TSPAN31: variants seen among roughly 807,000 people sequenced by gnomAD.
TSPAN31 encodes tetraspanin 31.
Under a neutral mutation model 24.8 loss-of-function variants are expected in TSPAN31, and 16 were observed. The ratio of observed to expected loss-of-function variants is 0.64; its 90% CI spans 0.44 to 0.98. The LOEUF is 0.98. Ranked by LOEUF, TSPAN31 falls within the 50% of genes least tolerant of loss-of-function variation. TSPAN31 has a pLI of 0.00. For synonymous variants in TSPAN31, 87 were observed against 91.4 expected (o/e 0.95, Z 0.27); for missense variants, 209 against 251.6 (o/e 0.83, Z 1.15).
chr12:57,745,965 C>G lies in TSPAN31; in HGVS notation c.231+53C>G, dbSNP rs985138210. On this transcript the variant is annotated intron_variant, in intron 2 of 5. Transcript: ENST00000257910. ...ACCGGGGGCTTGGGAGGGCTGTCATCTAAGGAAGATGTTAGAAGGGTAGGG... is the reference window on the plus strand; with the variant it reads ...ACCGGGGGCTTGGGAGGGCTGTCATGTAAGGAAGATGTTAGAAGGGTAGGG... 42 of 1,552,820 alleles carry G rather than the reference C, an allele frequency of 2.7e-5. 1 individual carries two copies. The Middle Eastern group carries it at 7.7e-4, about 28-fold the overall frequency.
intron 3 of TSPAN31, 152 bp from the exon 4 acceptor site, chr12:57,746,437 G>A (rs1256606851): frequency 4.2e-6 from 5 of 1,188,552 alleles, no homozygotes; most frequent in Admixed American, 1.8e-5. Context: ...ATGATCTAGA[G>A]AACCTCAAAA....
Position 57,748,610 on chromosome 12 carries a change from A to G in TSPAN31, c.*1320A>G. ...GATTCGCTTGTGTGGGTTAAAAGTCAGCATTTCCTGAGGGGAGAGGCAAAG... is the reference window on the plus strand; with the variant it reads ...GATTCGCTTGTGTGGGTTAAAAGTCGGCATTTCCTGAGGGGAGAGGCAAAG... On this transcript the variant is annotated 3_prime_UTR_variant, in exon 6 of 6. Coordinates refer to ENST00000257910, the MANE Select transcript of TSPAN31 (RefSeq NM_005981.5). 1 of 1,613,146 alleles carries G rather than the reference A, an allele frequency of 6.2e-7. No homozygotes were observed. The highest frequency in any genetic ancestry group is 1.1e-5 in the South Asian group (1 of 91,068).
At chr12:57,746,402 G>C in intron 3 of TSPAN31, 146 bp downstream of exon 3, 1 of 1,123,662 alleles carries the variant, frequency 8.9e-7, no homozygotes, top group Non-Finnish European at 1.3e-6. Context: ...CTTCCTCTGG[G>C]ATGTCTGGTT....
At position 57,750,189 on chromosome 12, in the gene TSPAN31, AAATAAAT is replaced by A. The variant is rs1399792265; in HGVS notation, c.*2902_*2908del. ...TAAATAAATAAATAAATAAATAAAT[AAATAAAT>A]AAAAAATAAAGAGAATAAAGGGATA... On this transcript the variant is annotated 3_prime_UTR_variant, in exon 6 of 6. Coordinates refer to ENST00000257910, the MANE Select transcript of TSPAN31 (RefSeq NM_005981.5). 2.9e-5 allele frequency: 4 copies of A among 138,906 alleles called. No individual in the cohort carries two copies. Among genetic ancestry groups the A allele is most frequent in the African/African-American group, 8.1e-5 (3 of 37,190 alleles). The allele number at this position is 138,906 out of a possible 1,614,324, so 8.6% of individuals were successfully genotyped here.
chr12:57,745,527 A>T (rs1468074370), intron 1 of TSPAN31: 1 of 625,282 alleles, frequency 1.6e-6, no homozygotes, highest in Admixed American at 3.0e-5. Context: ...TTTTGCATTC[A>T]TACTACCATC....
In TSPAN31 at chr12:57,749,326, G is replaced by GA. The variant is rs757684130; in HGVS notation, c.*2037dup. The GA allele has an allele frequency of 8.1e-6, 13 of 1,614,078 alleles. No homozygotes were observed. Among genetic ancestry groups the GA allele is most frequent in the East Asian group, 6.7e-5 (3 of 44,896 alleles). Reference sequence around the variant, plus strand: ...GAGGCAGCCCAATCAGGCTGTGGGGGACAGGAGAACTCTGGTCAGGAGGGT... The same window carrying GA: ...GAGGCAGCCCAATCAGGCTGTGGGGGAACAGGAGAACTCTGGTCAGGAGGGT... On this transcript the variant is annotated 3_prime_UTR_variant, in exon 6 of 6. Transcript: ENST00000257910.
rs2140380072 is a variant in TSPAN31 at position 57,747,933 on chromosome 12, G to C, written c.*643G>C. On this transcript the variant is annotated 3_prime_UTR_variant, in exon 6 of 6. Coordinates refer to ENST00000257910, the MANE Select transcript of TSPAN31 (RefSeq NM_005981.5). ...AATTTTGTATTTTTAGTAGAGACAGGGTTTCACCATGTTAGTCAGGCTGGT... is the reference window on the plus strand; with the variant it reads ...AATTTTGTATTTTTAGTAGAGACAGCGTTTCACCATGTTAGTCAGGCTGGT... The C allele has an allele frequency of 5.2e-6, 1 of 191,028 alleles. No homozygotes were observed. Among genetic ancestry groups the C allele is most frequent in the African/African-American group, 2.4e-5 (1 of 42,546 alleles). 11.8% of individuals were successfully genotyped at this position (191,028 alleles called of 1,614,324 possible).
At chr12:57,745,277 A>G in intron 1 of TSPAN31, 60 bp downstream of exon 1, 1 of 1,556,510 alleles carries the variant, frequency 6.4e-7, no homozygotes, top group Non-Finnish European at 8.8e-7. Context: ...GAGAATCTCT[A>G]GGGTACTTCC....
rs1555201101 is a variant in TSPAN31 at position 57,749,262 on chromosome 12, C to A, written c.*1972C>A. 2.5e-6 allele frequency: 4 copies of A among 1,614,156 alleles called. No homozygotes were observed. The highest frequency in any genetic ancestry group is 3.4e-6 in the Non-Finnish European group (4 of 1,179,992). On this transcript the variant is annotated 3_prime_UTR_variant, in exon 6 of 6. Coordinates refer to ENST00000257910, the MANE Select transcript of TSPAN31 (RefSeq NM_005981.5). ...CGGGGCCCTCTGGGGGGAAAGGCTC[C>A]ACGGGGCAGGGATACATCTCGAGGC... is the stretch of plus-strand genomic sequence containing the variant.
Position 57,750,171 on chromosome 12 carries a change from A to C in TSPAN31, c.*2881A>C, listed in dbSNP as rs1476977781. ...CTTATCTCAATAAATAAATAAATAA[A>C]TAAATAAATAAATAAATAAATAAAT... On this transcript the variant is annotated 3_prime_UTR_variant, in exon 6 of 6. Transcript: ENST00000257910. 6.7e-6 allele frequency: 1 copy of C among 149,766 alleles called. No individual in the cohort carries two copies. Among genetic ancestry groups the C allele is most frequent in the East Asian group, 1.9e-4 (1 of 5,166 alleles). 9.3% of individuals were successfully genotyped at this position (149,766 alleles called of 1,614,324 possible).
In TSPAN31 at chr12:57,749,195, G is replaced by A. The variant is rs779161525; in HGVS notation, c.*1905G>A. The A allele has an allele frequency of 1.9e-6, 3 of 1,614,016 alleles. No homozygotes were observed. The highest frequency in any genetic ancestry group is 4.5e-5 in the East Asian group (2 of 44,892). ...CATCTCCAGTACCAGCAGCAGCTGT[G>A]CTCCCGACTCCTCCATCTCAGGTAC... On this transcript the variant is annotated 3_prime_UTR_variant, in exon 6 of 6. Coordinates refer to ENST00000257910, the MANE Select transcript of TSPAN31 (RefSeq NM_005981.5).
rs1019520587 is a variant in TSPAN31 at position 57,746,519 on chromosome 12, G to A, written c.313-70G>A. 415 of 1,591,916 alleles carry A rather than the reference G, an allele frequency of 2.6e-4. 1 individual carries two copies. Among genetic ancestry groups the A allele is most frequent in the Non-Finnish European group, 3.2e-4 (372 of 1,161,588 alleles). ...TGTTTGACTTCCTTTGCTGGGCTAG[G>A]GAAATTGAGGCACTTGAACTGATAA... On this transcript the variant is annotated intron_variant, in intron 3 of 5. Coordinates refer to ENST00000257910, the MANE Select transcript of TSPAN31 (RefSeq NM_005981.5).
chr12:57,749,564 T>C lies in TSPAN31; in HGVS notation c.*2274T>C. Reference sequence around the variant, plus strand: ...TTCAAAGATATCTTAGTTGAATGGTTACTGCTTAGTGGCTCAAAATAGGAA... The same window carrying C: ...TTCAAAGATATCTTAGTTGAATGGTCACTGCTTAGTGGCTCAAAATAGGAA... On this transcript the variant is annotated 3_prime_UTR_variant, in exon 6 of 6. Transcript: ENST00000257910. 5 of 1,498,226 alleles carry C rather than the reference T, an allele frequency of 3.3e-6. No homozygotes were observed. In the Admixed American group the frequency reaches 8.4e-5, roughly 25 times the overall value. 92.8% of individuals were successfully genotyped at this position (1,498,226 alleles called of 1,614,324 possible).
At chr12:57,746,097 T>C (rs937186225) in intron 2 of TSPAN31, 79 bp from the exon 3 acceptor site, 2 of 1,470,442 alleles carry the variant, frequency 1.4e-6, no homozygotes, top group African/African-American at 1.4e-5. Flanking sequence ...GTAAGTTCTA[T>C]GAACAGATGA....
chr12:57,749,015 T>G lies in TSPAN31; in HGVS notation c.*1725T>G. On this transcript the variant is annotated 3_prime_UTR_variant, in exon 6 of 6. Transcript: ENST00000257910. ...GCCACCGTGCCCAGCCAGGATGGGTTCTCTTCTATATCCTTCTCTGTGGGT... is the reference window on the plus strand; with the variant it reads ...GCCACCGTGCCCAGCCAGGATGGGTGCTCTTCTATATCCTTCTCTGTGGGT... 1 of 900,704 alleles carries G rather than the reference T, an allele frequency of 1.1e-6. No homozygotes were observed. The allele number at this position is 900,704 out of a possible 1,614,324, so 55.8% of individuals were successfully genotyped here.
Position 57,748,516 on chromosome 12 carries a change from C to T in TSPAN31, c.*1226C>T, listed in dbSNP as rs1196923268. On this transcript the variant is annotated 3_prime_UTR_variant, in exon 6 of 6. Coordinates refer to ENST00000257910, the MANE Select transcript of TSPAN31 (RefSeq NM_005981.5). Reference sequence around the variant, plus strand: ...GCTTTTCTTCCTTCCATGGCAGCCACTCCATTGCTCACTCCGGATTACCTT... The same window carrying T: ...GCTTTTCTTCCTTCCATGGCAGCCATTCCATTGCTCACTCCGGATTACCTT... 3.1e-6 allele frequency: 5 copies of T among 1,599,956 alleles called. No homozygotes were observed. Among genetic ancestry groups the T allele is most frequent in the Non-Finnish European group, 4.3e-6 (5 of 1,167,250 alleles).
chr12:57,745,513 C>A, intron 1 of TSPAN31: 1 of 615,594 alleles, frequency 1.6e-6, no homozygotes, highest in East Asian at 2.8e-5. Flanking sequence ...CCTGAGGGTT[C>A]ATCTTTTGCA....
chr12:57,749,370 A>T lies in TSPAN31; in HGVS notation c.*2080A>T, dbSNP rs1308458499. 2 of 1,613,766 alleles carry T rather than the reference A, an allele frequency of 1.2e-6. No individual in the cohort carries two copies. The highest frequency in any genetic ancestry group is 2.7e-5 in the African/African-American group (2 of 74,936). The stretch of plus-strand genomic sequence containing the variant: ...GGAGGGTCCTCCAGTTCCCATCCCC[A>T]TGGGCAGAGCCAGTTGCCATCCTGG... On this transcript the variant is annotated 3_prime_UTR_variant, in exon 6 of 6. Transcript: ENST00000257910.
At position 57,749,109 on chromosome 12, in the gene TSPAN31, G is replaced by A. The variant is rs960503482; in HGVS notation, c.*1819G>A. 4.4e-6 allele frequency: 7 copies of A among 1,581,020 alleles called. No homozygotes were observed. The highest frequency in any genetic ancestry group is 6.1e-6 in the Non-Finnish European group (7 of 1,149,982). Reference sequence around the variant, plus strand: ...CAAGTTTCATTAACCACAGTGGCCAGGGCCCTGCATACTGCTCTATTTCTT... The same window carrying A: ...CAAGTTTCATTAACCACAGTGGCCAAGGCCCTGCATACTGCTCTATTTCTT... On this transcript the variant is annotated 3_prime_UTR_variant, in exon 6 of 6. Coordinates refer to ENST00000257910, the MANE Select transcript of TSPAN31 (RefSeq NM_005981.5).
Sources: gnomAD v4.1 joint callset for allele counts on GRCh38, gnomAD v4.1.1 for gene constraint, MANE v1.5 for transcripts, NCBI Gene and HGNC (gene_info 2026-07-23, HGNC 2026-07-21) for gene names.